The following CDH12 variants were observed in gnomAD, a reference collection of about 807,000 sequenced individuals.
CDH12 encodes cadherin-12.
A neutral mutation model predicts 74.1 loss-of-function variants in CDH12; 41 were observed. The observed-to-expected ratio is 0.55, with a 90% CI of 0.43 to 0.72. The LOEUF (loss-of-function observed/expected upper bound fraction) is 0.72, where lower values mean the gene tolerates loss of function less well. Ranked by LOEUF, CDH12 falls within the 30% of genes least tolerant of loss-of-function variation. The pLI, the probability that CDH12 is intolerant of heterozygous loss-of-function variation, is 0.00. For synonymous variants in CDH12, 399 were observed against 355.0 expected (o/e 1.12, Z -1.39); for missense variants, 945 against 977.2 (o/e 0.97, Z 0.44).
intron 1 of CDH12, among the ~76,000 whole-genome samples, chr5:22,666,864 G>T (rs1458430855): frequency 6.6e-6 from 1 of 152,112 alleles, no homozygotes; most frequent in East Asian, 1.9e-4. Context: ...ACAATCTGTG[G>T]TTTTCTCTAG....
intron 1 of CDH12, among the ~76,000 whole-genome samples, chr5:22,788,233 A>G (rs1482767233): frequency 5.3e-5 from 8 of 152,184 alleles, no homozygotes; most frequent in Non-Finnish European, 1.0e-4. Context: ...ACTGACTGTA[A>G]CAGTTGTTTA....
intron 6 of CDH12, among the ~76,000 whole-genome samples, chr5:21,862,573 G>T (rs1446728107): frequency 6.6e-6 from 1 of 151,998 alleles, no homozygotes; most frequent in Non-Finnish European, 1.5e-5. Context: ...CAATCAATAA[G>T]TATTTACATT....
intron 6 of CDH12, among the ~76,000 whole-genome samples, chr5:21,974,641 C>T (rs1756985284): frequency 6.6e-6 from 1 of 152,138 alleles, no homozygotes. Flanking sequence ...CTATTTACAG[C>T]TACAAAAGAT....
At chr5:22,466,776 CTTTTTTTTT>C (rs70959733) in intron 2 of CDH12, among the ~76,000 whole-genome samples, 1 of 50,994 alleles carries the variant, frequency 2.0e-5, no homozygotes, top group South Asian at 1.1e-3. Context: ...CCTCAGGAAT[CTTTTTTTTT>C]TTTTTTTTTT....
chr5:22,422,937 G>A (rs1277660674), intron 2 of CDH12, among the ~76,000 whole-genome samples: 1 of 152,076 alleles, frequency 6.6e-6, no homozygotes, highest in Non-Finnish European at 1.5e-5. Context: ...TGTAGCAAAT[G>A]TTCTTTATGC....
intron 1 of CDH12, among the ~76,000 whole-genome samples, chr5:22,585,148 G>A (rs1380100446): frequency 4.6e-5 from 7 of 152,198 alleles, no homozygotes; most frequent in South Asian, 2.1e-4. Flanking sequence ...TGAAAGTAAC[G>A]TTGTTTTTGA....
chr5:22,522,081 C>T (rs977111063), intron 1 of CDH12, among the ~76,000 whole-genome samples: 1 of 152,272 alleles, frequency 6.6e-6, no homozygotes, highest in Admixed American at 6.5e-5. Context: ...AACAGCCTTA[C>T]ACACTAATTC....
chr5:22,804,522 A>G (rs1005351134), intron 1 of CDH12, among the ~76,000 whole-genome samples: 1 of 152,178 alleles, frequency 6.6e-6, no homozygotes, highest in African/African-American at 2.4e-5. Context: ...TGAGTCTGAA[A>G]TTCAATGAAT....
intron 3 of CDH12, among the ~76,000 whole-genome samples, chr5:22,261,605 T>C (rs12521243): frequency 6.6e-6 from 1 of 151,886 alleles, no homozygotes; most frequent in Non-Finnish European, 1.5e-5. Context: ...CCAATTTTCA[T>C]ACAAATTAAT....
chr5:22,024,106 T>C (rs370041729), intron 5 of CDH12, among the ~76,000 whole-genome samples: 4 of 152,238 alleles, frequency 2.6e-5, no homozygotes. Flanking sequence ...ATTAATCAAA[T>C]GGAGGATAAT....
chr5:21,915,499 T>C (rs1048772123), intron 6 of CDH12, among the ~76,000 whole-genome samples: 4 of 152,182 alleles, frequency 2.6e-5, no homozygotes, highest in African/African-American at 9.7e-5. Flanking sequence ...ATCACATTAG[T>C]ACATTCATTT....
chr5:21,805,167 T>TG (rs1747362749), intron 9 of CDH12, among the ~76,000 whole-genome samples: 1 of 152,130 alleles, frequency 6.6e-6, no homozygotes, highest in Non-Finnish European at 1.5e-5. Context: ...TGTAAACGTT[T>TG]GTACCAATCA....
chr5:22,314,497 T>C (rs1738528892), intron 3 of CDH12, among the ~76,000 whole-genome samples: 1 of 152,158 alleles, frequency 6.6e-6, no homozygotes, highest in South Asian at 2.1e-4. Context: ...CAGAAGAAAC[T>C]GAACCTGCTG....
chr5:22,315,512 T>C lies in CDH12; in HGVS notation c.-333+89745A>G, dbSNP rs1201103376. ...CTCTGAGAGTTGGAAAGTGAACTTA[T>C]TAAGAAAATGTAGGAGAATGAAAAG... On this transcript the variant is annotated intron_variant, in intron 3 of 14. Transcript: ENST00000382254. Among the ~76,000 whole-genome samples, 4 of 152,232 alleles carry C rather than the reference T, an allele frequency of 2.6e-5. No homozygotes were observed. In the East Asian group the frequency reaches 5.8e-4, roughly 22 times the overall value.
chr5:22,492,490 G>A (rs1426783634), intron 2 of CDH12, among the ~76,000 whole-genome samples: 1 of 151,834 alleles, frequency 6.6e-6, no homozygotes, highest in East Asian at 1.9e-4. Context: ...TGGGATTACA[G>A]GCATACACCA....
intron 9 of CDH12, among the ~76,000 whole-genome samples, chr5:21,809,575 C>T (rs1406502776): frequency 1.3e-5 from 2 of 152,076 alleles, no homozygotes; most frequent in East Asian, 3.9e-4. Flanking sequence ...CTTCAGCTTT[C>T]CTATTTGTAG....
chr5:22,518,053 A>C (rs1018207750), intron 1 of CDH12, among the ~76,000 whole-genome samples: 1 of 152,226 alleles, frequency 6.6e-6, no homozygotes, highest in Non-Finnish European at 1.5e-5. Context: ...TACAAGGATA[A>C]GACAGGTAGT....
At chr5:22,673,358 C>A (rs1337637333) in intron 1 of CDH12, among the ~76,000 whole-genome samples, 1 of 152,040 alleles carries the variant, frequency 6.6e-6, no homozygotes, top group Non-Finnish European at 1.5e-5. Context: ...AAACTATTTG[C>A]ACTTAATTAT....
chr5:22,134,937 A>G (rs1312283817), intron 4 of CDH12, among the ~76,000 whole-genome samples: 3 of 152,128 alleles, frequency 2.0e-5, no homozygotes, highest in Non-Finnish European at 2.9e-5. Flanking sequence ...TTACTCATTA[A>G]GCTGATGATG....
Sources: gnomAD v4.1 joint callset for allele counts (sites outside exome capture counted in the v4.1 genomes callset) on GRCh38, gnomAD v4.1.1 for gene constraint, MANE v1.5 for transcripts, NCBI Gene and HGNC (gene_info 2026-07-23, HGNC 2026-07-21) for gene names.